The following BTBD9 variants were observed in gnomAD, a reference collection of about 807,000 sequenced individuals.
BTBD9 encodes BTB domain containing 9, also known as BTB/POZ domain-containing protein 9.
A neutral mutation model predicts 64.3 loss-of-function variants in BTBD9; 49 were observed. The observed-to-expected ratio is 0.76, with a 90% confidence interval of 0.61 to 0.97. The LOEUF (loss-of-function observed/expected upper bound fraction) is 0.97. Ranked by LOEUF, BTBD9 falls within the 50% of genes least tolerant of loss-of-function variation. BTBD9 has a pLI of 0.00. For missense variants in BTBD9, 598 were observed against 762.1 expected, an observed-to-expected ratio of 0.78 and a Z score of 2.53; for synonymous variants, 260 against 274.7, an observed-to-expected ratio of 0.95 and a Z score of 0.53.
intron 7 of BTBD9, among the ~76,000 whole-genome samples, chr6:38,328,593 G>A (rs889921391): frequency 2.0e-5 from 3 of 151,378 alleles, no homozygotes; most frequent in African/African-American, 7.3e-5. Context: ...GTGTGTGTGT[G>A]TGTGTGTGTG....
intron 6 of BTBD9, among the ~76,000 whole-genome samples, chr6:38,563,670 C>T (rs960842550): frequency 3.3e-5 from 5 of 152,080 alleles, no homozygotes; most frequent in African/African-American, 2.4e-5. Context: ...ACTCCCAGCA[C>T]ACTGACATCT....
At chr6:38,192,723 G>A in intron 9 of BTBD9, 126 bp from the exon 10 acceptor site, 3 of 786,680 alleles carry the variant, frequency 3.8e-6, no homozygotes, top group Non-Finnish European at 6.5e-6. Flanking sequence ...ACTATAGGAG[G>A]GGCAGGCAGC....
intron 6 of BTBD9, among the ~76,000 whole-genome samples, chr6:38,385,229 T>C (rs1318932858): frequency 6.6e-6 from 1 of 150,440 alleles, no homozygotes; most frequent in Non-Finnish European, 1.5e-5. Flanking sequence ...TCTTGCTCTG[T>C]CGCCCAGGCT....
intron 7 of BTBD9, among the ~76,000 whole-genome samples, chr6:38,336,542 C>G (rs1157594349): frequency 6.6e-6 from 1 of 152,002 alleles, no homozygotes; most frequent in Non-Finnish European, 1.5e-5. Context: ...AGAACTCACT[C>G]ACTATCACAA....
chr6:38,458,940 T>C (rs767378124), intron 6 of BTBD9, among the ~76,000 whole-genome samples: 4 of 152,212 alleles, frequency 2.6e-5, no homozygotes, highest in African/African-American at 7.2e-5. Context: ...TCAAATGTTC[T>C]ATTAAAGGTA....
chr6:38,556,214 A>C (rs1775005164), intron 6 of BTBD9, among the ~76,000 whole-genome samples: 1 of 152,172 alleles, frequency 6.6e-6, no homozygotes, highest in Non-Finnish European at 1.5e-5. Flanking sequence ...AACATTCTAC[A>C]TTTTAATGTT....
rs759515303 is a variant in BTBD9 at position 38,598,106 on chromosome 6, G to C, written c.-12C>G. Reference sequence around the variant, plus strand: ...TGGCTGTTACTCATCTTGTGGAATAGACGATAGTCGTTGTTCTATCATATA... The same window carrying C: ...TGGCTGTTACTCATCTTGTGGAATACACGATAGTCGTTGTTCTATCATATA... On this transcript the variant is annotated 5_prime_UTR_variant, in exon 2 of 11. Coordinates refer to ENST00000481247, the MANE Select transcript of BTBD9 (RefSeq NM_001099272.2). The C allele has an allele frequency of 1.6e-5, 26 of 1,610,142 alleles. No individual in the cohort carries two copies. The Admixed American group carries it at 4.2e-4, about 26-fold the overall frequency.
At chr6:38,419,890 C>A (rs1244184594) in intron 6 of BTBD9, among the ~76,000 whole-genome samples, 1 of 151,856 alleles carries the variant, frequency 6.6e-6, no homozygotes, top group Non-Finnish European at 1.5e-5. Flanking sequence ...AAAAAAAATA[C>A]TAAGGGAAAC....
chr6:38,334,360 G>A (rs571267518), intron 7 of BTBD9, among the ~76,000 whole-genome samples: 8 of 152,222 alleles, frequency 5.3e-5, no homozygotes, highest in Admixed American at 2.6e-4. Flanking sequence ...TCAGAAGTTC[G>A]AGACAGGCCT....
At chr6:38,505,834 A>G (rs1448447554) in intron 6 of BTBD9, among the ~76,000 whole-genome samples, 2 of 151,492 alleles carry the variant, frequency 1.3e-5, no homozygotes, top group South Asian at 2.1e-4. Flanking sequence ...GTGTGGTGGC[A>G]TGCGTCTGTA....
chr6:38,306,630 A>G (rs1296756717), intron 7 of BTBD9, among the ~76,000 whole-genome samples: 1 of 152,254 alleles, frequency 6.6e-6, no homozygotes, highest in African/African-American at 2.4e-5. Flanking sequence ...GGGGTGGCCA[A>G]CGACTTGCCT....
At chr6:38,293,658 A>G (rs1762047971) in intron 7 of BTBD9, among the ~76,000 whole-genome samples, 1 of 152,206 alleles carries the variant, frequency 6.6e-6, no homozygotes, top group Non-Finnish European at 1.5e-5. Flanking sequence ...ACTTTATACA[A>G]AAATTAACTC....
intron 6 of BTBD9, among the ~76,000 whole-genome samples, chr6:38,509,104 C>T (rs1772667709): frequency 1.3e-5 from 2 of 152,116 alleles, no homozygotes; most frequent in African/African-American, 4.8e-5. Flanking sequence ...GTTTTACTTC[C>T]CTGAAGACAA....
intron 9 of BTBD9, among the ~76,000 whole-genome samples, chr6:38,202,040 A>G (rs1359595092): frequency 6.6e-6 from 1 of 152,094 alleles, no homozygotes; most frequent in African/African-American, 2.4e-5. Flanking sequence ...GATTCAATAC[A>G]ATCTCCATCA....
Position 38,184,294 on chromosome 6 carries a change from G to A in BTBD9, c.1641+8225C>T, listed in dbSNP as rs1761718259. Among the ~76,000 whole-genome samples the A allele has an allele frequency of 6.6e-6, 1 of 152,210 alleles. No individual in the cohort carries two copies. The highest frequency in any genetic ancestry group is 2.4e-5 in the African/African-American group (1 of 41,450). ...GGGCTTGACTATCCCGGCTGTCCCT[G>A]CACTGCCTCCTCTCTGGCCCAGTAC... On this transcript the variant is annotated intron_variant, in intron 10 of 10. Coordinates refer to ENST00000481247, the MANE Select transcript of BTBD9 (RefSeq NM_001099272.2). The surrounding 1 kb of genome is among the most constrained non-coding windows in gnomAD (Gnocchi z 4.4).
In BTBD9 at chr6:38,519,326, G is replaced by A. The variant is rs1178992302; in HGVS notation, c.1154+58274C>T. ...TTTCTTTGTAAATTTTGTATCAAAA[G>A]AAAAAGATAAATAAGTATTGAATTC... On this transcript the variant is annotated intron_variant, in intron 6 of 10. Coordinates refer to ENST00000481247, the MANE Select transcript of BTBD9 (RefSeq NM_001099272.2). 6.6e-5 allele frequency among the ~76,000 whole-genome samples: 10 copies of A among 152,254 alleles called. No homozygotes were observed. In the South Asian group the frequency reaches 1.7e-3, roughly 25 times the overall value.
chr6:38,220,062 A>C (rs1203094118), intron 9 of BTBD9, among the ~76,000 whole-genome samples: 2 of 152,180 alleles, frequency 1.3e-5, no homozygotes, highest in Non-Finnish European at 2.9e-5. Flanking sequence ...AAGTGCGTCT[A>C]CCTCTTGGGC....
At chr6:38,210,695 C>T (rs1301464435) in intron 9 of BTBD9, among the ~76,000 whole-genome samples, 2 of 152,142 alleles carry the variant, frequency 1.3e-5, no homozygotes, top group South Asian at 2.1e-4. Flanking sequence ...TTAATGGTTT[C>T]GCTCCCAAAT....
chr6:38,189,973 CTTT>C (rs55886750), intron 10 of BTBD9, among the ~76,000 whole-genome samples: 2 of 135,504 alleles, frequency 1.5e-5, no homozygotes, highest in Admixed American at 7.3e-5. Flanking sequence ...CAGGCCCAGC[CTTT>C]TTTTTTTTTT....
Sources: allele counts gnomAD v4.1 joint callset (sites outside exome capture counted in the v4.1 genomes callset), GRCh38; gene constraint gnomAD v4.1.1; non-coding constraint Gnocchi (gnomAD v3.1); transcripts MANE v1.5; gene names NCBI Gene and HGNC (gene_info 2026-07-23, HGNC 2026-07-21).